The following SMAP1 variants were observed in gnomAD, a reference collection of about 807,000 sequenced individuals.
SMAP1 encodes stromal membrane-associated protein 1.
A neutral mutation model predicts 58.5 loss-of-function variants in SMAP1; 24 were observed. The observed-to-expected ratio is 0.41, with a 90% CI of 0.30 to 0.58. SMAP1 has a LOEUF of 0.58. SMAP1 is among the 20% of genes least tolerant of loss of function. SMAP1 has a pLI of 0.29. For missense variants in SMAP1, 563 were observed against 566.3 expected, an observed-to-expected ratio of 0.99 and a Z score of 0.06; for synonymous variants, 216 against 196.6, an observed-to-expected ratio of 1.10 and a Z score of -0.82.
At chr6:70,720,646 G>A (rs554224684) in intron 1 of SMAP1, among the ~76,000 whole-genome samples, 1 of 152,342 alleles carries the variant, frequency 6.6e-6, no homozygotes, top group Non-Finnish European at 1.5e-5. Flanking sequence ...TAAAATCTAG[G>A]AGGAGGTTTC....
chr6:70,698,010 T>G (rs1767481767), intron 1 of SMAP1, among the ~76,000 whole-genome samples: 1 of 152,224 alleles, frequency 6.6e-6, no homozygotes, highest in East Asian at 1.9e-4. Flanking sequence ...CTTTTTACCT[T>G]AAGATGATTT....
intron 6 of SMAP1, among the ~76,000 whole-genome samples, chr6:70,808,291 G>A (rs1769224661): frequency 6.6e-6 from 1 of 152,110 alleles, no homozygotes; most frequent in Admixed American, 6.5e-5. Context: ...CTGTAATGTA[G>A]GAATCAGCAA....
rs143577319 is a variant in SMAP1, at chr6:70,841,418, C to T, written c.664+4390C>T. 2.5e-3 allele frequency among the ~76,000 whole-genome samples: 376 copies of T among 152,268 alleles called. 1 individual carries two copies. The highest frequency in any genetic ancestry group is 4.9e-3 in the Non-Finnish European group (336 of 68,026). ...AGGCTGTCTGGGGGGACCGCATCCT[C>T]TCAGTGCCCCAGAAAGCATCTCACA... On this transcript the variant is annotated intron_variant, in intron 7 of 10. Coordinates refer to ENST00000370455, the MANE Select transcript of SMAP1 (RefSeq NM_001044305.3).
intron 1 of SMAP1, among the ~76,000 whole-genome samples, chr6:70,710,230 C>T (rs575615133): frequency 7.9e-5 from 12 of 152,132 alleles, no homozygotes; most frequent in African/African-American, 2.2e-4. Flanking sequence ...TGGTAGCTCA[C>T]GCCTGTAATC....
At chr6:70,719,788 T>C (rs1002938744) in intron 1 of SMAP1, among the ~76,000 whole-genome samples, 1 of 152,132 alleles carries the variant, frequency 6.6e-6, no homozygotes, top group East Asian at 1.9e-4. Context: ...CTCATGAGAC[T>C]TATTAACTAT....
chr6:70,796,775 G>C (rs918524886), intron 5 of SMAP1, among the ~76,000 whole-genome samples: 11 of 152,074 alleles, frequency 7.2e-5, no homozygotes, highest in African/African-American at 2.2e-4. Flanking sequence ...ATGCTCTTCT[G>C]GTAACTAAAG....
intron 1 of SMAP1, among the ~76,000 whole-genome samples, chr6:70,689,022 C>T (rs1312004340): frequency 6.6e-6 from 1 of 151,624 alleles, no homozygotes; most frequent in East Asian, 1.9e-4. Flanking sequence ...AACATTTAGA[C>T]AGAGTCTTAC....
chr6:70,834,323 A>T (rs1216249868), intron 6 of SMAP1, among the ~76,000 whole-genome samples: 5 of 150,484 alleles, frequency 3.3e-5, no homozygotes, highest in African/African-American at 1.2e-4. Flanking sequence ...TCACAAGTTT[A>T]GTTTGTTTTA....
intron 1 of SMAP1, among the ~76,000 whole-genome samples, chr6:70,703,408 G>A (rs4707847): frequency 6.6e-6 from 1 of 151,946 alleles, no homozygotes; most frequent in African/African-American, 2.4e-5. Context: ...TATGGGAATT[G>A]TATCGGTTCC....
chr6:70,841,340 C>T (rs1030476756), intron 7 of SMAP1, among the ~76,000 whole-genome samples: 6 of 152,306 alleles, frequency 3.9e-5, no homozygotes, highest in Admixed American at 2.0e-4. Context: ...TGTCAGGAGG[C>T]GTTACCCACA....
chr6:70,690,710 T>A (rs977391564), intron 1 of SMAP1, among the ~76,000 whole-genome samples: 18 of 145,850 alleles, frequency 1.2e-4, no homozygotes, highest in South Asian at 8.8e-4. Context: ...ATATATATAT[T>A]TTTGAATTTG....
intron 6 of SMAP1, among the ~76,000 whole-genome samples, chr6:70,820,738 A>G (rs1434382993): frequency 6.6e-6 from 1 of 152,040 alleles, no homozygotes; most frequent in Non-Finnish European, 1.5e-5. Context: ...TTATTGTTCA[A>G]GATAATTTGA....
At chr6:70,803,675 A>G (rs1768972205) in intron 6 of SMAP1, among the ~76,000 whole-genome samples, 2 of 152,214 alleles carry the variant, frequency 1.3e-5, no homozygotes, top group South Asian at 4.1e-4. Flanking sequence ...AATGTGTCCC[A>G]GATATTCTGG....
chr6:70,738,988 A>G (rs1396318800), intron 2 of SMAP1, among the ~76,000 whole-genome samples: 2 of 152,198 alleles, frequency 1.3e-5, no homozygotes, highest in African/African-American at 2.4e-5. Context: ...TTCAAATAAA[A>G]TGACTTACAG....
chr6:70,763,150 A>G (rs1477799341), intron 3 of SMAP1, among the ~76,000 whole-genome samples: 1 of 123,686 alleles, frequency 8.1e-6, no homozygotes, highest in Admixed American at 9.6e-5. Context: ...ATGTTGTGGC[A>G]ACCCTATGCA....
At chr6:70,806,808 T>C (rs1423524041) in intron 6 of SMAP1, among the ~76,000 whole-genome samples, 2 of 152,350 alleles carry the variant, frequency 1.3e-5, no homozygotes, top group East Asian at 1.9e-4. Flanking sequence ...ACCATGCTTA[T>C]CTCATTTAAG....
At chr6:70,710,997 A>C (rs1180272296) in intron 1 of SMAP1, among the ~76,000 whole-genome samples, 1 of 152,172 alleles carries the variant, frequency 6.6e-6, no homozygotes, top group Non-Finnish European at 1.5e-5. Flanking sequence ...CTTCAAGGGC[A>C]ATAACACACA....
chr6:70,729,375 C>A (rs1056926947), intron 1 of SMAP1, among the ~76,000 whole-genome samples: 4 of 149,282 alleles, frequency 2.7e-5, no homozygotes, highest in African/African-American at 7.4e-5. Context: ...GGAGGTGGAG[C>A]TTGCAGTGAG....
rs554341652 is a variant in SMAP1, at chr6:70,836,153, C to T, written c.577-788C>T. Among the ~76,000 whole-genome samples, 56 of 152,112 alleles carry T rather than the reference C, an allele frequency of 3.7e-4. 1 individual carries two copies. In the South Asian group the frequency reaches 0.011, roughly 29 times the overall value. ...AGGATGTATTAGTCCGTTTTCATGC[C>T]GCGGATAAAGACATACCCGAGACTG... On this transcript the variant is annotated intron_variant, in intron 6 of 10. Coordinates refer to ENST00000370455, the MANE Select transcript of SMAP1 (RefSeq NM_001044305.3).
Sources: allele counts gnomAD v4.1 joint callset (sites outside exome capture counted in the v4.1 genomes callset), GRCh38; gene constraint gnomAD v4.1.1; transcripts MANE v1.5; gene names NCBI Gene and HGNC (gene_info 2026-07-23, HGNC 2026-07-21).